RMDN2: variants seen among roughly 807,000 people sequenced by gnomAD.
The protein encoded by RMDN2 is regulator of microtubule dynamics 2, also known as regulator of microtubule dynamics protein 2.
RMDN2 carries 61 observed loss-of-function variants against 52.8 expected under a neutral mutation model. The ratio of observed to expected loss-of-function variants is 1.16; its 90% CI spans 0.94 to 1.43. RMDN2 has a LOEUF of 1.43. Among genes scored for constraint, RMDN2 ranks in the 40% most tolerant of loss-of-function variants. The probability of loss-of-function intolerance (pLI) is 0.00; values close to 1 mark genes in which losing one functional copy is unlikely to be tolerated. For missense variants in RMDN2, 592 were observed against 475.3 expected (o/e 1.25, Z -2.28); for synonymous variants, 180 against 153.1 (o/e 1.18, Z -1.30).
intron 10 of RMDN2, among the ~76,000 whole-genome samples, chr2:38,008,435 G>C (rs1677438330): frequency 6.6e-6 from 1 of 152,180 alleles, no homozygotes; most frequent in Non-Finnish European, 1.5e-5. Context: ...TCTCCTTGTT[G>C]AATTGATCCC....
chr2:38,037,017 C>A (rs891279589), intron 10 of RMDN2, among the ~76,000 whole-genome samples: 5 of 152,034 alleles, frequency 3.3e-5, no homozygotes, highest in Non-Finnish European at 2.9e-5. Context: ...CATTGCAGTT[C>A]ATTTATTTCC....
At chr2:38,039,148 C>T (rs1414413153) in intron 10 of RMDN2, among the ~76,000 whole-genome samples, 1 of 150,136 alleles carries the variant, frequency 6.7e-6, no homozygotes. Flanking sequence ...ATAATTTTAA[C>T]TATATTCATA....
intron 5 of RMDN2, among the ~76,000 whole-genome samples, chr2:37,988,920 C>A (rs1290518550): frequency 6.6e-6 from 1 of 152,056 alleles, no homozygotes; most frequent in African/African-American, 2.4e-5. Context: ...ATAAATGACC[C>A]ATGGGATGCA....
intron 2 of RMDN2, among the ~76,000 whole-genome samples, chr2:37,962,462 C>T (rs981110700): frequency 6.6e-6 from 1 of 152,192 alleles, no homozygotes; most frequent in Non-Finnish European, 1.5e-5. Flanking sequence ...TCCACCCAGT[C>T]CGAACTTCTG....
At chr2:37,993,681 G>C (rs1675124121) in intron 7 of RMDN2, among the ~76,000 whole-genome samples, 1 of 150,168 alleles carries the variant, frequency 6.7e-6, no homozygotes, top group Non-Finnish European at 1.5e-5. Flanking sequence ...TTGGGACTGG[G>C]GGACTAGAGA....
intron 2 of RMDN2, chr2:37,952,418 G>T: frequency 4.1e-6 from 2 of 493,808 alleles, no homozygotes; most frequent in Non-Finnish European, 7.0e-6. Flanking sequence ...AGTCAAAGAT[G>T]ATTTTGTTTC....
At chr2:38,026,246 C>G (rs1679773868) in intron 10 of RMDN2, among the ~76,000 whole-genome samples, 1 of 152,106 alleles carries the variant, frequency 6.6e-6, no homozygotes, top group Non-Finnish European at 1.5e-5. Context: ...TTTGTTGGCA[C>G]AAATTTAATA....
Position 38,062,767 on chromosome 2 carries a change from C to T in RMDN2, c.1714-4215C>T, listed in dbSNP as rs1392054593. Among the ~76,000 whole-genome samples the T allele has an allele frequency of 6.1e-5, 8 of 130,488 alleles. No homozygotes were observed. The East Asian group carries it at 8.2e-4, about 13-fold the overall frequency. The allele number at this position is 130,488 out of a possible 152,430, so 85.6% of individuals were successfully genotyped here. Reference sequence around the variant, plus strand: ...TATCTCCAAATGCTATCCCTCCCCCCTTCCCCCCCCCCACAACAGTCCCCA... The same window carrying T: ...TATCTCCAAATGCTATCCCTCCCCCTTTCCCCCCCCCCACAACAGTCCCCA... On this transcript the variant is annotated intron_variant, in intron 10 of 10. Transcript: ENST00000234195.
upstream of RMDN2, chr2:37,923,135 AT>A (rs751063853): frequency 1.3e-5 from 2 of 152,118 alleles, no homozygotes; most frequent in Admixed American, 6.5e-5. Flanking sequence ...CTGCTTTTTT[AT>A]GTCACCCCTG....
chr2:38,039,669 C>G (rs1217643973), intron 10 of RMDN2, among the ~76,000 whole-genome samples: 1 of 152,134 alleles, frequency 6.6e-6, no homozygotes, highest in Admixed American at 6.5e-5. Context: ...AGAAAATCAC[C>G]CAGTGTCTGA....
chr2:38,035,468 G>T (rs909103139), intron 10 of RMDN2, among the ~76,000 whole-genome samples: 4 of 152,092 alleles, frequency 2.6e-5, no homozygotes, highest in African/African-American at 7.2e-5. Flanking sequence ...AAACAAGTAA[G>T]AGTAGTTGTG....
At chr2:37,935,684 A>G (rs1263476193) in intron 2 of RMDN2, among the ~76,000 whole-genome samples, 1 of 152,142 alleles carries the variant, frequency 6.6e-6, no homozygotes, top group African/African-American at 2.4e-5. Context: ...CAAGACATAA[A>G]TGGTCTTTTC....
intron 6 of RMDN2, among the ~76,000 whole-genome samples, chr2:37,990,654 A>C (rs1377953187): frequency 6.6e-6 from 1 of 151,912 alleles, no homozygotes; most frequent in Admixed American, 6.6e-5. Context: ...TGTAGGATTT[A>C]AGTTTGCCAT....
intron 10 of RMDN2, among the ~76,000 whole-genome samples, chr2:38,061,140 A>G (rs1441205197): frequency 6.6e-6 from 1 of 152,178 alleles, no homozygotes; most frequent in Non-Finnish European, 1.5e-5. Context: ...TTTAGGAACA[A>G]GTGAGTAGTC....
At chr2:37,976,206 A>C (rs1307878276) in intron 4 of RMDN2, 2 of 152,164 alleles carry the variant, frequency 1.3e-5, no homozygotes, top group African/African-American at 2.4e-5. Flanking sequence ...CTTTTCTACA[A>C]GTTTTTGAAA....
In RMDN2 at chr2:37,942,493, A is replaced by G. The variant is rs1468040405; in HGVS notation, c.452+12764A>G. ...GTTATAGATTAACTATATTATTATT[A>G]TATGTTACTAAATTATTCCTTAAAG... On this transcript the variant is annotated intron_variant, in intron 2 of 10. Coordinates refer to ENST00000354545, the MANE Select transcript of RMDN2 (RefSeq NM_001170791.3). 3.3e-5 allele frequency among the ~76,000 whole-genome samples: 5 copies of G among 152,296 alleles called. No homozygotes were observed. The East Asian group carries it at 5.8e-4, about 18-fold the overall frequency.
intron 10 of RMDN2, among the ~76,000 whole-genome samples, chr2:38,007,015 C>G (rs1048067064): frequency 1.3e-5 from 2 of 152,140 alleles, no homozygotes; most frequent in Non-Finnish European, 2.9e-5. Context: ...ATTTATTGAT[C>G]TACGTATGTT....
At chr2:37,983,994 G>C (rs569351069) in intron 5 of RMDN2, among the ~76,000 whole-genome samples, 7 of 152,080 alleles carry the variant, frequency 4.6e-5, no homozygotes, top group African/African-American at 1.7e-4. Context: ...TTACTATCTG[G>C]CCCTACTGCA....
intron 10 of RMDN2, among the ~76,000 whole-genome samples, chr2:38,015,907 C>G (rs980141027): frequency 9.2e-5 from 14 of 152,170 alleles, no homozygotes; most frequent in African/African-American, 3.4e-4. Flanking sequence ...AGAAAGTGTG[C>G]TATCTCAGCT....
Sources: allele counts gnomAD v4.1 joint callset (sites outside exome capture counted in the v4.1 genomes callset), GRCh38; gene constraint gnomAD v4.1.1; transcripts MANE v1.5; gene names NCBI Gene and HGNC (gene_info 2026-07-23, HGNC 2026-07-21).